XKR6: variants seen among roughly 807,000 people sequenced by gnomAD.
The protein encoded by XKR6 is XK-related protein 6.
Under a neutral mutation model 56.7 loss-of-function variants are expected in XKR6, and 22 were observed. The ratio of observed to expected loss-of-function variants is 0.39; its 90% CI spans 0.28 to 0.55. The LOEUF is 0.55. Ranked by LOEUF, XKR6 falls within the 20% of genes least tolerant of loss-of-function variation. The pLI is 0.66. For missense variants in XKR6, 852 were observed against 889.0 expected, an observed-to-expected ratio of 0.96 and a Z score of 0.53; for synonymous variants, 524 against 387.8, an observed-to-expected ratio of 1.35 and a Z score of -4.13.
At position 11,201,235 on chromosome 8, in the gene XKR6, C is replaced by A; in HGVS notation, c.105G>T (p.Gly35=). ...GSGGEEDGEP[G]GGGCGGGGDG... is the part of the protein sequence containing the mutation. ...CGCCGCCGCCGCCGCAGCCGCCTCC[C>A]CCGGGCTCCCCGTCCTCCTCGCCGC... Residue 35 remains glycine (G), a synonymous_variant, in exon 1 of 3, where the codon GGG becomes GGT. Transcript: ENST00000416569. 2 of 1,554,296 alleles carry A rather than the reference C, an allele frequency of 1.3e-6. No homozygotes were observed. The highest frequency in any genetic ancestry group is 2.4e-5 in the East Asian group (1 of 41,516).
chr8:10,922,998 C>T (rs1236557175), intron 2 of XKR6, among the ~76,000 whole-genome samples: 3 of 152,226 alleles, frequency 2.0e-5, no homozygotes, highest in Non-Finnish European at 4.4e-5. Flanking sequence ...GAAGCTGGAG[C>T]CCCTGGGCCA....
At chr8:11,094,281 G>A (rs550887208) in intron 1 of XKR6, among the ~76,000 whole-genome samples, 3 of 152,026 alleles carry the variant, frequency 2.0e-5, no homozygotes, top group Admixed American at 6.5e-5. Flanking sequence ...CTCTGTCTCC[G>A]GGGTTCAAGC....
chr8:10,918,443 G>A (rs1371444099), intron 2 of XKR6, among the ~76,000 whole-genome samples: 1 of 152,178 alleles, frequency 6.6e-6, no homozygotes, highest in Non-Finnish European at 1.5e-5. Context: ...GTGTGTACTG[G>A]ACTTGACAGT....
intron 1 of XKR6, among the ~76,000 whole-genome samples, chr8:10,938,378 G>A (rs1801290376): frequency 6.6e-6 from 1 of 152,184 alleles, no homozygotes; most frequent in African/African-American, 2.4e-5. Context: ...GCTCACGCTG[G>A]GAGCTGTAGA....
In XKR6 at chr8:11,120,030, A is replaced by G. The variant is rs1055067803; in HGVS notation, c.764+80546T>C. ...TCAATAAATTAGGTATTGATGGGAC[A>G]TATCTCAAAATAATAAGAGCTATCT... On this transcript the variant is annotated intron_variant, in intron 1 of 2. Transcript: ENST00000416569. Among the ~76,000 whole-genome samples, 36 of 152,336 alleles carry G rather than the reference A, an allele frequency of 2.4e-4. 2 individuals carry two copies. The highest frequency in any genetic ancestry group is 1.6e-3 in the Admixed American group (24 of 15,292).
chr8:11,077,942 C>T lies in XKR6; in HGVS notation c.764+122634G>A, dbSNP rs1277439226. On this transcript the variant is annotated intron_variant, in intron 1 of 2. Coordinates refer to ENST00000416569, the MANE Select transcript of XKR6 (RefSeq NM_173683.4). ...CCCGGTGTCTACCTGCACTGGCCGC[C>T]GGGCTGGCCCTGCTGGGCAGGGGAG... 3.3e-5 allele frequency among the ~76,000 whole-genome samples: 5 copies of T among 152,082 alleles called. No individual in the cohort carries two copies. The East Asian group carries it at 5.8e-4, about 18-fold the overall frequency.
chr8:11,061,242 T>C (rs114058740), intron 1 of XKR6, among the ~76,000 whole-genome samples: 6,219 of 152,152 alleles, frequency 0.041, 438 homozygotes, highest in African/African-American at 0.14. Context: ...GGTGAGAGGA[T>C]TGCTTGAGCC....
intron 1 of XKR6, among the ~76,000 whole-genome samples, chr8:11,008,028 CT>C (rs896223143): frequency 5.3e-5 from 8 of 151,982 alleles, no homozygotes; most frequent in Non-Finnish European, 8.8e-5. Context: ...CAGGCGTTTG[CT>C]TTTTTTTGAC....
At chr8:11,104,617 C>A (rs1021048480) in intron 1 of XKR6, 4 of 152,186 alleles carry the variant, frequency 2.6e-5, no homozygotes, top group Non-Finnish European at 5.9e-5. Context: ...AAAACTGTGA[C>A]ATATACAGTC....
chr8:11,124,751 C>T (rs984966714), intron 1 of XKR6: 3 of 152,114 alleles, frequency 2.0e-5, no homozygotes, highest in Non-Finnish European at 4.4e-5. Context: ...GCTCCATTAT[C>T]TCCAGGGCAT....
chr8:11,108,486 T>C, intron 1 of XKR6: 1 of 389,130 alleles, frequency 2.6e-6, no homozygotes, highest in Non-Finnish European at 5.0e-6. Context: ...AGGACATTAG[T>C]ACTCAACTTA....
chr8:11,119,293 G>C (rs1288078621), intron 1 of XKR6, among the ~76,000 whole-genome samples: 2 of 152,186 alleles, frequency 1.3e-5, no homozygotes, highest in African/African-American at 4.8e-5. Flanking sequence ...CTGTTGATTT[G>C]GGGTGGAGAG....
chr8:11,024,245 G>C (rs946473739), intron 1 of XKR6, among the ~76,000 whole-genome samples: 3 of 123,142 alleles, frequency 2.4e-5, no homozygotes, highest in Non-Finnish European at 5.3e-5. Flanking sequence ...GTGTGTGTGT[G>C]TGTGTGTGAT....
chr8:10,946,540 T>C (rs1231980756), intron 1 of XKR6, among the ~76,000 whole-genome samples: 3 of 151,646 alleles, frequency 2.0e-5, no homozygotes, highest in Non-Finnish European at 2.9e-5. Flanking sequence ...CCCCTGGGGG[T>C]GGCGTGTCCT....
In XKR6 at chr8:10,920,451, C is replaced by T. The variant is rs530932976; in HGVS notation, c.961+4183G>A. On this transcript the variant is annotated intron_variant, in intron 2 of 2. Coordinates refer to ENST00000416569, the MANE Select transcript of XKR6 (RefSeq NM_173683.4). ...CTAATGTCAAACAACTGTCAAGTAA[C>T]AGGTGGGAGTCACCCCAGCTTTCTA... 5.3e-4 allele frequency among the ~76,000 whole-genome samples: 81 copies of T among 152,364 alleles called. 3 individuals carry two copies. The South Asian group carries it at 0.012, about 23-fold the overall frequency.
intron 1 of XKR6, among the ~76,000 whole-genome samples, chr8:11,157,834 G>C (rs535070440): frequency 1.3e-5 from 2 of 152,180 alleles, no homozygotes; most frequent in South Asian, 4.2e-4. Context: ...ATTTCTTAGA[G>C]TCTCTTTTAT....
At chr8:11,047,174 C>A (rs564015465) in intron 1 of XKR6, among the ~76,000 whole-genome samples, 1 of 151,998 alleles carries the variant, frequency 6.6e-6, no homozygotes, top group Non-Finnish European at 1.5e-5. Flanking sequence ...AATAACTATG[C>A]GAGGGGAAGC....
At chr8:11,152,850 A>G (rs777174846) in intron 1 of XKR6, among the ~76,000 whole-genome samples, 5 of 152,204 alleles carry the variant, frequency 3.3e-5, no homozygotes, top group African/African-American at 7.2e-5. Flanking sequence ...GAAGTTTCCT[A>G]TGCAGTCCTA....
chr8:10,978,836 C>T (rs1797656747), intron 1 of XKR6, among the ~76,000 whole-genome samples: 3 of 152,222 alleles, frequency 2.0e-5, no homozygotes, highest in African/African-American at 7.2e-5. Context: ...CCCTTGGAAA[C>T]TTCAGTGGCC....
Sources: gnomAD v4.1 joint callset for allele counts (sites outside exome capture counted in the v4.1 genomes callset) on GRCh38, gnomAD v4.1.1 for gene constraint, MANE v1.5 for transcripts, NCBI Gene and HGNC (gene_info 2026-07-23, HGNC 2026-07-21) for gene names.